CYYR1: variants seen among roughly 807,000 people sequenced by gnomAD.
CYYR1 encodes the protein cysteine and tyrosine-rich protein 1.
Under a neutral mutation model 15.2 loss-of-function variants are expected in CYYR1, and 14 were observed. The ratio of observed to expected loss-of-function variants is 0.92; its 90% CI spans 0.61 to 1.44. The LOEUF (loss-of-function observed/expected upper bound fraction) is 1.44. Ranked by LOEUF, CYYR1 falls within the 40% of genes most tolerant of loss-of-function variation. The pLI, the probability that CYYR1 is intolerant of heterozygous loss-of-function variation, is 0.00. For missense variants in CYYR1, 228 were observed against 209.5 expected (o/e 1.09, Z -0.54); for synonymous variants, 80 against 77.4 (o/e 1.03, Z -0.18).
chr21:26,503,113 C>T (rs2065504424), intron 2 of CYYR1, among the ~76,000 whole-genome samples: 1 of 151,996 alleles, frequency 6.6e-6, no homozygotes, highest in African/African-American at 2.4e-5. Context: ...TGCTGTAGTC[C>T]ACAAAACAAT....
rs1386317893 is a variant in CYYR1, at chr21:26,468,608, G to A, written c.361C>T (p.His121Tyr). ...AAGTCTGCACAGTATTCCATCTCGT[G>A]GTCGTGACCGTAGGGTGGTGGTCCT... ...PAGPPPYGHDHEMEYCADLPP... is the reference protein window; with the variant it reads ...PAGPPPYGHDYEMEYCADLPP... Residue 121 changes from histidine to tyrosine, a missense_variant, in exon 4 of 4, where the codon CAC becomes TAC. Physicochemically the swap from His to Tyr is moderately conservative, Grantham distance 83. Coordinates refer to ENST00000652641, the MANE Select transcript of CYYR1 (RefSeq NM_001320768.2). 3.1e-6 allele frequency: 5 copies of A among 1,611,896 alleles called. No homozygotes were observed. The highest frequency in any genetic ancestry group is 4.2e-6 in the Non-Finnish European group (5 of 1,178,858).
At chr21:26,502,143 T>C (rs2065489649) in intron 2 of CYYR1, among the ~76,000 whole-genome samples, 1 of 152,202 alleles carries the variant, frequency 6.6e-6, no homozygotes, top group Non-Finnish European at 1.5e-5. Flanking sequence ...TCAAGCAGTA[T>C]GTCTTGGAAA....
intron 2 of CYYR1, among the ~76,000 whole-genome samples, chr21:26,487,875 G>A (rs1448346987): frequency 6.7e-6 from 1 of 148,394 alleles, no homozygotes; most frequent in Non-Finnish European, 1.5e-5. Context: ...AGGGTAGGAA[G>A]ACCAATCCAT....
chr21:26,470,625 T>G (rs904241952), intron 3 of CYYR1: 1 of 152,450 alleles, frequency 6.6e-6, no homozygotes, highest in African/African-American at 2.4e-5. Context: ...CCAGCCATGC[T>G]TCCTGTACAT....
At chr21:26,472,680 AAG>A (rs1173331092) in intron 3 of CYYR1, among the ~76,000 whole-genome samples, 2 of 152,114 alleles carry the variant, frequency 1.3e-5, no homozygotes, top group Non-Finnish European at 2.9e-5. Flanking sequence ...AGATATAAAA[AAG>A]TGCACAAAAT....
intron 2 of CYYR1, among the ~76,000 whole-genome samples, chr21:26,491,886 G>A (rs948001985): frequency 2.0e-5 from 3 of 152,028 alleles, no homozygotes; most frequent in Non-Finnish European, 2.9e-5. Flanking sequence ...GTGACTGATC[G>A]CTGTCTGCTG....
intron 2 of CYYR1, among the ~76,000 whole-genome samples, chr21:26,553,785 A>T (rs1277158107): frequency 6.6e-6 from 1 of 152,154 alleles, no homozygotes; most frequent in Non-Finnish European, 1.5e-5. Flanking sequence ...AACCCTCCCA[A>T]CTAAATATAA....
At chr21:26,484,941 C>A (rs987204151) in intron 2 of CYYR1, among the ~76,000 whole-genome samples, 2 of 151,892 alleles carry the variant, frequency 1.3e-5, no homozygotes, top group Non-Finnish European at 2.9e-5. Flanking sequence ...CATTAGCAAT[C>A]GTAAATTAGT....
intron 3 of CYYR1, among the ~76,000 whole-genome samples, chr21:26,469,232 T>G (rs1293024473): frequency 6.6e-6 from 1 of 151,914 alleles, no homozygotes. Context: ...AGTCTTTAGG[T>G]GATGACTGGG....
intron 2 of CYYR1, among the ~76,000 whole-genome samples, chr21:26,483,651 C>A (rs1315585044): frequency 3.9e-5 from 6 of 152,082 alleles, no homozygotes; most frequent in African/African-American, 1.4e-4. Context: ...TTCATGAAAT[C>A]CTTACGCTTT....
At chr21:26,492,067 T>C (rs1230811140) in intron 2 of CYYR1, among the ~76,000 whole-genome samples, 1 of 152,250 alleles carries the variant, frequency 6.6e-6, no homozygotes, top group Non-Finnish European at 1.5e-5. Context: ...TGTGATTGAT[T>C]GGAGCTGTCA....
intron 3 of CYYR1, among the ~76,000 whole-genome samples, chr21:26,473,117 G>C (rs1438220491): frequency 6.6e-6 from 1 of 151,776 alleles, no homozygotes; most frequent in East Asian, 1.9e-4. Flanking sequence ...GTATCTTTTT[G>C]TACCAGACAT....
chr21:26,501,061 C>T (rs914742760), intron 2 of CYYR1, among the ~76,000 whole-genome samples: 6 of 152,092 alleles, frequency 3.9e-5, no homozygotes, highest in Non-Finnish European at 5.9e-5. Flanking sequence ...TCAGTAAGGC[C>T]GGGCGCAGTG....
intron 2 of CYYR1, among the ~76,000 whole-genome samples, chr21:26,510,130 T>A (rs1307475492): frequency 2.1e-5 from 3 of 139,672 alleles, no homozygotes; most frequent in African/African-American, 5.3e-5. Context: ...ATCCTGCTTA[T>A]ATCAGAAAGG....
intron 2 of CYYR1, among the ~76,000 whole-genome samples, chr21:26,513,093 C>T (rs1258181851): frequency 6.6e-6 from 1 of 152,154 alleles, no homozygotes; most frequent in East Asian, 1.9e-4. Flanking sequence ...TTTCATTTAT[C>T]TGTCTGTTGA....
At chr21:26,507,388 T>G (rs2065582863) in intron 2 of CYYR1, among the ~76,000 whole-genome samples, 1 of 152,226 alleles carries the variant, frequency 6.6e-6, no homozygotes, top group African/African-American at 2.4e-5. Flanking sequence ...GTAATCCCTT[T>G]AAAACATTAG....
At chr21:26,471,345 G>T (rs1026067691) in intron 3 of CYYR1, 18 of 152,178 alleles carry the variant, frequency 1.2e-4, no homozygotes, top group African/African-American at 4.1e-4. Flanking sequence ...ATCATTCTCT[G>T]TCATGAAGCC....
intron 2 of CYYR1, among the ~76,000 whole-genome samples, chr21:26,515,010 T>C (rs1167506419): frequency 6.6e-6 from 1 of 152,274 alleles, no homozygotes; most frequent in African/African-American, 2.4e-5. Context: ...GTGGTATGCA[T>C]GATAGTACTA....
intron 3 of CYYR1, chr21:26,477,920 G>T: frequency 7.7e-7 from 1 of 1,306,256 alleles, no homozygotes; most frequent in Non-Finnish European, 9.8e-7. Flanking sequence ...GGGAATATTT[G>T]AAATTGCATG....
Sources: allele counts gnomAD v4.1 joint callset (sites outside exome capture counted in the v4.1 genomes callset), GRCh38; gene constraint gnomAD v4.1.1; transcripts MANE v1.5; gene names NCBI Gene and HGNC (gene_info 2026-07-23, HGNC 2026-07-21).